ATP2C2: variants seen among roughly 807,000 people sequenced by gnomAD.
The protein encoded by ATP2C2 is ATPase secretory pathway Ca2+ transporting 2, also known as calcium-transporting ATPase type 2C member 2.
Under a neutral mutation model 110.8 loss-of-function variants are expected in ATP2C2, and 171 were observed. That is an observed-to-expected ratio of 1.54 (90% CI 1.36 to 1.75). The LOEUF is 1.75. Among genes scored for constraint, ATP2C2 ranks in the 40% most tolerant of loss-of-function variants. ATP2C2 has a pLI of 0.00. For synonymous variants in ATP2C2, 804 were observed against 508.4 expected, an observed-to-expected ratio of 1.58 and a Z score of -7.82; for missense variants, 1,963 against 1,235.0, an observed-to-expected ratio of 1.59 and a Z score of -8.84.
At chr16:84,428,529 C>G (rs1247058649) in intron 11 of ATP2C2, among the ~76,000 whole-genome samples, 1 of 152,000 alleles carries the variant, frequency 6.6e-6, no homozygotes, top group African/African-American at 2.4e-5. Context: ...CTTAGTAACA[C>G]CAAATGCTGA....
intron 11 of ATP2C2, among the ~76,000 whole-genome samples, chr16:84,432,727 G>C (rs1458126590): frequency 6.6e-6 from 1 of 152,002 alleles, no homozygotes; most frequent in African/African-American, 2.4e-5. Context: ...CACTATGTTG[G>C]CCAGGCTCAT....
intron 11 of ATP2C2, among the ~76,000 whole-genome samples, chr16:84,436,741 C>G (rs1055347084): frequency 1.5e-4 from 23 of 150,754 alleles, no homozygotes; most frequent in Admixed American, 3.3e-4. Flanking sequence ...TCTCCTCCCC[C>G]TCCCCATCGC....
At position 84,408,805 on chromosome 16, in the gene ATP2C2, T is replaced by A. The variant is rs79927001; in HGVS notation, c.417+311T>A. Among the ~76,000 whole-genome samples, 1,369 of 152,134 alleles carry A rather than the reference T, an allele frequency of 9.0e-3. 30 individuals are homozygous for A. Among genetic ancestry groups the A allele is most frequent in the African/African-American group, 0.031 (1,299 of 41,484 alleles). On this transcript the variant is annotated intron_variant, in intron 4 of 26. Coordinates refer to ENST00000262429, the MANE Select transcript of ATP2C2 (RefSeq NM_014861.4). ...GAGCCTGGGCTGTGCACATTTGCCT[T>A]CCGAAGAACAACACCTTTGATCCAT...
chr16:84,455,785 A>G (rs939333271), intron 21 of ATP2C2, among the ~76,000 whole-genome samples: 1 of 149,330 alleles, frequency 6.7e-6, no homozygotes, highest in Admixed American at 6.7e-5. Flanking sequence ...AGCTCTTATT[A>G]TTTTGAAATA....
At chr16:84,411,405 A>T (rs778553227) in intron 6 of ATP2C2, among the ~76,000 whole-genome samples, 2 of 152,198 alleles carry the variant, frequency 1.3e-5, no homozygotes, top group Non-Finnish European at 2.9e-5. Flanking sequence ...TGTTCTATTA[A>T]TATCATCTGC....
At chr16:84,390,746 A>G (rs1904607615) in intron 1 of ATP2C2, among the ~76,000 whole-genome samples, 1 of 152,184 alleles carries the variant, frequency 6.6e-6, no homozygotes, top group Admixed American at 6.5e-5. Context: ...GATGCACTGA[A>G]CTGCATGCTC....
intron 20 of ATP2C2, 101 bp from the exon 21 acceptor site, chr16:84,454,717 C>T: frequency 7.7e-7 from 1 of 1,291,838 alleles, no homozygotes; most frequent in East Asian, 2.7e-5. Context: ...TCCGGGTGCC[C>T]TCCAGACAGA....
intron 1 of ATP2C2, among the ~76,000 whole-genome samples, chr16:84,398,067 G>A (rs1567695023): frequency 6.6e-6 from 1 of 151,754 alleles, no homozygotes; most frequent in South Asian, 2.1e-4. Flanking sequence ...TTTGTGAGCT[G>A]TACACATATG....
At chr16:84,437,159 A>G (rs1311018882) in intron 11 of ATP2C2, among the ~76,000 whole-genome samples, 3 of 152,164 alleles carry the variant, frequency 2.0e-5, no homozygotes, top group African/African-American at 4.8e-5. Context: ...ATTCAGAGAT[A>G]TACACAGCCG....
intron 1 of ATP2C2, among the ~76,000 whole-genome samples, chr16:84,391,468 C>T (rs1455098391): frequency 6.6e-6 from 1 of 152,196 alleles, no homozygotes. Flanking sequence ...GGTCTTTATC[C>T]ATGCAGTCAA....
rs760741882 is a variant in ATP2C2, at chr16:84,460,630, G to A, written c.2334-24G>A. On this transcript the variant is annotated intron_variant, in intron 23 of 26. Transcript: ENST00000262429. ...TATTTCATTCCTGGTTCATTTCAAA[G>A]TGTCTGTGTCTTGTTCGGAGCAGCT... 3.1e-6 allele frequency: 5 copies of A among 1,614,046 alleles called. No homozygotes were observed. In the South Asian group the frequency reaches 3.3e-5, roughly 11 times the overall value.
At chr16:84,459,962 G>A (rs1046685597) in intron 23 of ATP2C2, 2 of 260,930 alleles carry the variant, frequency 7.7e-6, no homozygotes, top group Non-Finnish European at 1.5e-5. Context: ...TGTGGGGGAA[G>A]GAATGCGCTT....
intron 1 of ATP2C2, among the ~76,000 whole-genome samples, chr16:84,371,317 G>C (rs1005182860): frequency 1.4e-4 from 21 of 152,166 alleles, no homozygotes; most frequent in African/African-American, 4.6e-4. Flanking sequence ...CAGAGTTCAA[G>C]ATCAGCCTGG....
At chr16:84,413,269 T>G (rs1567706307) in intron 6 of ATP2C2, among the ~76,000 whole-genome samples, 1 of 152,106 alleles carries the variant, frequency 6.6e-6, no homozygotes, top group Non-Finnish European at 1.5e-5. Flanking sequence ...GCACATGTTG[T>G]GCAACTGAGC....
At chr16:84,384,773 G>A (rs1185321476) in intron 1 of ATP2C2, among the ~76,000 whole-genome samples, 1 of 152,210 alleles carries the variant, frequency 6.6e-6, no homozygotes, top group African/African-American at 2.4e-5. Flanking sequence ...CCTGAAGCCG[G>A]GCATGGTGGC....
Position 84,422,374 on chromosome 16 carries a change from C to A in ATP2C2, c.625-16C>A, listed in dbSNP as rs368557589. On this transcript the variant is annotated splice_polypyrimidine_tract_variant and intron_variant, in intron 7 of 26. Transcript: ENST00000262429. ...TGACAGAGAGATTCCACAGCCTTTTCCCCTTGCTCTCCTAGGTCACGGACC... is the reference window on the plus strand; with the variant it reads ...TGACAGAGAGATTCCACAGCCTTTTACCCTTGCTCTCCTAGGTCACGGACC... 5.6e-6 allele frequency: 9 copies of A among 1,609,944 alleles called. No homozygotes were observed. In the African/African-American group the frequency reaches 1.1e-4, roughly 19 times the overall value.
At chr16:84,442,745 C>A in intron 15 of ATP2C2, 146 bp downstream of exon 15, 2 of 750,990 alleles carry the variant, frequency 2.7e-6, no homozygotes, top group Non-Finnish European at 4.5e-6. Flanking sequence ...CTTGGGCCAT[C>A]TGTTGGTGGT....
At chr16:84,387,823 A>C (rs2151405451) in intron 1 of ATP2C2, among the ~76,000 whole-genome samples, 1 of 151,664 alleles carries the variant, frequency 6.6e-6, no homozygotes, top group Middle Eastern at 3.4e-3. Context: ...GTGGTGGCTG[A>C]TGCCTGTAAT....
intron 11 of ATP2C2, 125 bp from the exon 12 acceptor site, chr16:84,439,041 A>T: frequency 7.1e-7 from 1 of 1,407,210 alleles, no homozygotes; most frequent in African/African-American, 1.4e-5. Flanking sequence ...GGGAATGGAG[A>T]CTAGAACCAG....
Sources: allele counts gnomAD v4.1 joint callset (sites outside exome capture counted in the v4.1 genomes callset), GRCh38; gene constraint gnomAD v4.1.1; transcripts MANE v1.5; gene names NCBI Gene and HGNC (gene_info 2026-07-23, HGNC 2026-07-21).